Variants in PKIG observed in about 807,000 individuals in gnomAD.
PKIG encodes cAMP-dependent protein kinase inhibitor gamma, also known as protein kinase (cAMP-dependent, catalytic) inhibitor gamma.
A neutral mutation model predicts 6.8 loss-of-function variants in PKIG; 1 was observed. The ratio of observed to expected loss-of-function variants is 0.15; its 90% CI spans 0.05 to 0.69. The LOEUF is 0.69. Among genes scored for constraint, PKIG ranks in the 30% least tolerant of loss-of-function variants. PKIG has a pLI of 0.82. For synonymous variants in PKIG, 39 were observed against 43.0 expected (o/e 0.91, Z 0.36); for missense variants, 77 against 104.0 (o/e 0.74, Z 1.13).
intron 2 of PKIG, among the ~76,000 whole-genome samples, chr20:44,607,116 G>T (rs2065169991): frequency 6.6e-6 from 1 of 152,166 alleles, no homozygotes; most frequent in Non-Finnish European, 1.5e-5. Context: ...GATCCTTTGA[G>T]GTGGCAATTC....
intron 2 of PKIG, among the ~76,000 whole-genome samples, chr20:44,590,655 A>T (rs527728189): frequency 6.6e-6 from 1 of 152,326 alleles, no homozygotes; most frequent in South Asian, 2.1e-4. Context: ...GCATCCATGG[A>T]TGTGGTTGTT....
chr20:44,540,744 A>AT (rs1292913410), intron 1 of PKIG, among the ~76,000 whole-genome samples: 1 of 151,818 alleles, frequency 6.6e-6, no homozygotes, highest in African/African-American at 2.4e-5. Flanking sequence ...TACCCGGCTA[A>AT]TTTTTAAAAA....
At chr20:44,616,768 C>T (rs548278882) in intron 3 of PKIG, among the ~76,000 whole-genome samples, 32 of 152,282 alleles carry the variant, frequency 2.1e-4, no homozygotes, top group Admixed American at 3.3e-4. Flanking sequence ...GTTTCACAGG[C>T]GGGGCTGCGG....
At chr20:44,536,339 C>T (rs2064511999) in intron 1 of PKIG, among the ~76,000 whole-genome samples, 1 of 152,094 alleles carries the variant, frequency 6.6e-6, no homozygotes, top group Non-Finnish European at 1.5e-5. Context: ...CCTCATTGCC[C>T]TAATTTTCCT....
upstream of PKIG, among the ~76,000 whole-genome samples, chr20:44,578,994 GA>G (rs1568819625): frequency 3.3e-5 from 5 of 152,234 alleles, no homozygotes; most frequent in African/African-American, 9.6e-5. Flanking sequence ...CGTATGGTGA[GA>G]CCCCCGTCTC....
chr20:44,556,925 C>A (rs2123220259), intron 1 of PKIG, among the ~76,000 whole-genome samples: 1 of 152,222 alleles, frequency 6.6e-6, no homozygotes, highest in South Asian at 2.1e-4. Flanking sequence ...GAATAAAAGT[C>A]TCCAATTTGT....
At chr20:44,567,385 C>T (rs1600857900) in intron 1 of PKIG, among the ~76,000 whole-genome samples, 1 of 152,386 alleles carries the variant, frequency 6.6e-6, no homozygotes, top group East Asian at 1.9e-4. Flanking sequence ...AGCTCAGAGG[C>T]TGCTCAGGGC....
At chr20:44,566,922 C>T (rs74343745) in intron 1 of PKIG, among the ~76,000 whole-genome samples, 2,771 of 152,186 alleles carry the variant, frequency 0.018, 89 homozygotes, top group African/African-American at 0.064. Flanking sequence ...CAGTTGTAAC[C>T]CATAGGTACA....
At chr20:44,579,606 TA>T (rs2064929976), upstream of PKIG, among the ~76,000 whole-genome samples, 1 of 152,244 alleles carries the variant, frequency 6.6e-6, no homozygotes, top group African/African-American at 2.4e-5. Context: ...GTGGTGTTCA[TA>T]GAGTGCTCAG....
chr20:44,545,186 T>G (rs2064602185), intron 1 of PKIG, among the ~76,000 whole-genome samples: 1 of 152,142 alleles, frequency 6.6e-6, no homozygotes, highest in Non-Finnish European at 1.5e-5. Context: ...TCCACCCACC[T>G]TGGCCTCCCA....
intron 3 of PKIG, among the ~76,000 whole-genome samples, chr20:44,615,850 G>C (rs1016058528): frequency 1.3e-5 from 2 of 152,292 alleles, no homozygotes; most frequent in South Asian, 4.1e-4. Flanking sequence ...CTGAGGCCCA[G>C]AGAAGTTGGA....
At chr20:44,567,058 G>A (rs951091290) in intron 1 of PKIG, among the ~76,000 whole-genome samples, 2 of 152,062 alleles carry the variant, frequency 1.3e-5, no homozygotes, top group African/African-American at 4.8e-5. Flanking sequence ...CTAACAATAA[G>A]TGTCTGCTCC....
At chr20:44,616,536 C>T (rs1164606885) in intron 3 of PKIG, among the ~76,000 whole-genome samples, 1 of 152,220 alleles carries the variant, frequency 6.6e-6, no homozygotes, top group Admixed American at 6.5e-5. Flanking sequence ...AGCTGCTGGC[C>T]CATGTGCCCA....
chr20:44,603,833 A>G lies in PKIG; in HGVS notation c.-23-10701A>G, dbSNP rs150947606. Among the ~76,000 whole-genome samples the G allele has an allele frequency of 2.1e-4, 32 of 152,332 alleles. No individual in the cohort carries two copies. In the East Asian group the frequency reaches 6.0e-3, roughly 28 times the overall value. Reference sequence around the variant, plus strand: ...GTAAAGGTTTAGAACTCAGGAGAGAAAAGACTGTAGACCCATGTGTTAGGG... The same window carrying G: ...GTAAAGGTTTAGAACTCAGGAGAGAGAAGACTGTAGACCCATGTGTTAGGG... On this transcript the variant is annotated intron_variant, in intron 2 of 3. Transcript: ENST00000372886.
upstream of PKIG, among the ~76,000 whole-genome samples, chr20:44,579,572 C>T (rs1316132719): frequency 6.6e-6 from 1 of 152,134 alleles, no homozygotes; most frequent in Non-Finnish European, 1.5e-5. Flanking sequence ...CTCCTGCACC[C>T]GATTATTGTG....
chr20:44,591,229 G>T (rs758016777), intron 2 of PKIG, among the ~76,000 whole-genome samples: 28 of 152,274 alleles, frequency 1.8e-4, no homozygotes, highest in Non-Finnish European at 3.8e-4. Context: ...CTGGAGGCTT[G>T]GGGGGTGCAG....
chr20:44,598,127 T>C (rs1017945314), intron 2 of PKIG, among the ~76,000 whole-genome samples: 2 of 152,170 alleles, frequency 1.3e-5, no homozygotes, highest in Admixed American at 6.5e-5. Context: ...TGCTGCTCTT[T>C]CCTGGCCGTC....
chr20:44,571,097 G>A lies in PKIG; in HGVS notation c.-240-11488G>A, dbSNP rs566617011. Among the ~76,000 whole-genome samples the A allele has an allele frequency of 8.5e-5, 13 of 152,184 alleles. No individual in the cohort carries two copies. The South Asian group carries it at 2.7e-3, about 32-fold the overall frequency. On this transcript the variant is annotated intron_variant, in intron 1 of 4. Transcript: ENST00000372887. ...AAAAATACAAAAATTAACCGGATGT[G>A]GTGGTGCAGGCCTGTAATCCCAGCT...
chr20:44,559,630 G>A (rs1355808998), intron 1 of PKIG, among the ~76,000 whole-genome samples: 1 of 152,148 alleles, frequency 6.6e-6, no homozygotes. Flanking sequence ...TATGCACAAT[G>A]GGGAAGTACC....
Sources: gnomAD v4.1 joint callset for allele counts (sites outside exome capture counted in the v4.1 genomes callset) on GRCh38, gnomAD v4.1.1 for gene constraint, MANE v1.5 for transcripts, NCBI Gene and HGNC (gene_info 2026-07-23, HGNC 2026-07-21) for gene names.